Variants in SPAG17 observed in about 807,000 individuals in gnomAD.
The protein encoded by SPAG17 is sperm-associated antigen 17.
In SPAG17, 169 loss-of-function variants were observed where a neutral mutation model predicts 273.6. The observed-to-expected ratio is 0.62, with a 90% CI of 0.55 to 0.70. The LOEUF (loss-of-function observed/expected upper bound fraction) is 0.70. Among genes scored for constraint, SPAG17 ranks in the 30% least tolerant of loss-of-function variants. The probability of loss-of-function intolerance (pLI) is 0.00; values close to 1 mark genes in which losing one functional copy is unlikely to be tolerated. For synonymous variants in SPAG17, 825 were observed against 873.2 expected (o/e 0.94, Z 0.97); for missense variants, 2,557 against 2,627.8 (o/e 0.97, Z 0.59).
chr1:118,007,944 C>A, intron 31 of SPAG17, 100 bp downstream of exon 31: 2 of 1,227,584 alleles, frequency 1.6e-6, no homozygotes, highest in South Asian at 1.3e-5. Flanking sequence ...AAAGCAACAG[C>A]AGTGTACATT....
intron 20 of SPAG17, among the ~76,000 whole-genome samples, chr1:118,050,738 C>T (rs1650905278): frequency 6.6e-6 from 1 of 152,104 alleles, no homozygotes; most frequent in African/African-American, 2.4e-5. Flanking sequence ...ACAAAAACAA[C>T]ACAAAATGGA....
rs1368172932 is a variant in SPAG17 at position 117,983,923 on chromosome 1, A to C, written c.5770-10T>G. On this transcript the variant is annotated splice_polypyrimidine_tract_variant and intron_variant, in intron 41 of 48. Coordinates refer to ENST00000336338, the MANE Select transcript of SPAG17 (RefSeq NM_206996.4). The stretch of plus-strand genomic sequence containing the variant: ...TGTCCAGGTGATTATACTGAAAGGA[A>C]AAAAAAACTTATTTTAGACTTATAC... 6.7e-7 allele frequency: 1 copy of C among 1,501,702 alleles called. No individual in the cohort carries two copies. The highest frequency in any genetic ancestry group is 1.7e-5 in the Admixed American group (1 of 57,224). 93.0% of individuals were successfully genotyped at this position (1,501,702 alleles called of 1,614,324 possible). A position where few individuals can be genotyped will look rare whatever the true frequency, so the allele number is the denominator to read the frequency against.
intron 29 of SPAG17, among the ~76,000 whole-genome samples, chr1:118,013,573 A>G (rs762782773): frequency 1.6e-4 from 25 of 152,164 alleles, no homozygotes; most frequent in Admixed American, 6.6e-5. Context: ...CTCATCCACA[A>G]AATGGAGCCA....
intron 10 of SPAG17, 81 bp from the exon 11 acceptor site, chr1:118,087,089 T>C: frequency 6.9e-7 from 1 of 1,456,288 alleles, no homozygotes; most frequent in Non-Finnish European, 9.1e-7. Context: ...GCATTCCCAC[T>C]GCTTAGTAAG....
At chr1:117,974,648 G>A (rs995391108) in intron 43 of SPAG17, among the ~76,000 whole-genome samples, 2 of 152,164 alleles carry the variant, frequency 1.3e-5, no homozygotes, top group Admixed American at 1.3e-4. Context: ...ACTAAATTTG[G>A]TGAGTTGTTC....
intron 3 of SPAG17, among the ~76,000 whole-genome samples, chr1:118,129,702 T>C (rs2102294002): frequency 6.7e-6 from 1 of 150,302 alleles, no homozygotes; most frequent in East Asian, 2.0e-4. Context: ...CCTCTTCCCT[T>C]CTTTCTTTCT....
At chr1:117,985,219 T>C (rs1408868765) in intron 40 of SPAG17, among the ~76,000 whole-genome samples, 4 of 152,194 alleles carry the variant, frequency 2.6e-5, no homozygotes, top group African/African-American at 9.6e-5. Context: ...GCATGATTTG[T>C]GAATAATGTG....
chr1:118,121,822 A>G (rs894030085), intron 3 of SPAG17, among the ~76,000 whole-genome samples: 1 of 152,226 alleles, frequency 6.6e-6, no homozygotes, highest in Admixed American at 6.5e-5. Context: ...AAACACTGTC[A>G]AAACTGATTT....
At chr1:118,013,015 GT>G (rs1316315315) in intron 29 of SPAG17, among the ~76,000 whole-genome samples, 1 of 152,142 alleles carries the variant, frequency 6.6e-6, no homozygotes, top group Admixed American at 6.5e-5. Flanking sequence ...GCTCTGTTGT[GT>G]TTGCCTCATA....
intron 22 of SPAG17, 48 bp from the exon 23 acceptor site, chr1:118,039,492 T>C (rs1228334448): frequency 1.9e-6 from 3 of 1,584,564 alleles, no homozygotes; most frequent in Non-Finnish European, 1.7e-6. Flanking sequence ...GGATGCCACA[T>C]TAAGCTCCTC....
At chr1:118,054,353 GTCTCTCTC>G (rs34784674) in intron 19 of SPAG17, among the ~76,000 whole-genome samples, 4 of 150,936 alleles carry the variant, frequency 2.7e-5, no homozygotes, top group African/African-American at 9.7e-5. Context: ...TTGAACTGTA[GTCTCTCTC>G]TCTCTCTCTA....
chr1:118,079,488 T>C lies in SPAG17; in HGVS notation c.2209+1613A>G, dbSNP rs1054453077. On this transcript the variant is annotated intron_variant, in intron 15 of 48. Coordinates refer to ENST00000336338, the MANE Select transcript of SPAG17 (RefSeq NM_206996.4). ...TCATGGGTTTTTATGATTAACCTTA[T>C]ATAAAAGATTTATCAATATTGTTAG... 2.0e-5 allele frequency among the ~76,000 whole-genome samples: 3 copies of C among 152,048 alleles called. No individual in the cohort carries two copies. In the South Asian group the frequency reaches 6.2e-4, roughly 31 times the overall value.
chr1:118,097,862 C>T lies in SPAG17; in HGVS notation c.830-11G>A, dbSNP rs536351359. 3.0e-4 allele frequency: 470 copies of T among 1,548,004 alleles called. 1 individual carries two copies. The highest frequency in any genetic ancestry group is 3.7e-4 in the Non-Finnish European group (420 of 1,146,150). On this transcript the variant is annotated splice_polypyrimidine_tract_variant and intron_variant, in intron 6 of 48. Coordinates refer to ENST00000336338, the MANE Select transcript of SPAG17 (RefSeq NM_206996.4). ...TTTCTGCTTCTAGATCTAATAATAG[C>T]AACATGTTTATATTACCAAATGAGA...
intron 25 of SPAG17, among the ~76,000 whole-genome samples, chr1:118,029,228 C>A (rs1225341695): frequency 6.6e-6 from 1 of 152,050 alleles, no homozygotes; most frequent in South Asian, 2.1e-4. Flanking sequence ...AGCAAGAAGT[C>A]CATCTTAAAT....
chr1:118,080,381 C>A (rs1654446772), intron 15 of SPAG17, among the ~76,000 whole-genome samples: 1 of 152,086 alleles, frequency 6.6e-6, no homozygotes, highest in Non-Finnish European at 1.5e-5. Flanking sequence ...GCAGGCTGTG[C>A]AGAGTAAATA....
intron 1 of SPAG17, among the ~76,000 whole-genome samples, chr1:118,172,727 C>G (rs1048548719): frequency 1.6e-4 from 24 of 152,220 alleles, no homozygotes; most frequent in African/African-American, 5.3e-4. Context: ...TACGTCTGGT[C>G]TATGGATATT....
Position 118,040,646 on chromosome 1 carries a change from T to C in SPAG17, c.3166+84A>G, listed in dbSNP as rs1427731640. The stretch of plus-strand genomic sequence containing the variant: ...GGGGACAGAATAACACTCTCGCCTA[T>C]CAAACTCAGGAGTAGAGGGCCCCTG... On this transcript the variant is annotated intron_variant, in intron 22 of 48. Coordinates refer to ENST00000336338, the MANE Select transcript of SPAG17 (RefSeq NM_206996.4). 3 of 892,408 alleles carry C rather than the reference T, an allele frequency of 3.4e-6. No homozygotes were observed. The East Asian group carries it at 7.5e-5, about 22-fold the overall frequency. The allele number at this position is 892,408 out of a possible 1,614,324, so 55.3% of individuals were successfully genotyped here.
chr1:117,991,001 T>C (rs1304647244), intron 37 of SPAG17, 95 bp from the exon 38 acceptor site: 1 of 651,098 alleles, frequency 1.5e-6, no homozygotes, highest in Non-Finnish European at 2.5e-6. Flanking sequence ...TTGTAAAAAC[T>C]ACTATAAAAT....
intron 20 of SPAG17, among the ~76,000 whole-genome samples, chr1:118,042,863 T>A (rs1649933069): frequency 6.6e-6 from 1 of 152,190 alleles, no homozygotes; most frequent in South Asian, 2.1e-4. Context: ...TGTACTTTCA[T>A]TTTCAATAAA....
Sources: allele counts gnomAD v4.1 joint callset (sites outside exome capture counted in the v4.1 genomes callset), GRCh38; gene constraint gnomAD v4.1.1; transcripts MANE v1.5; gene names NCBI Gene and HGNC (gene_info 2026-07-23, HGNC 2026-07-21).